The following FILIP1 variants were observed in gnomAD, a reference collection of about 807,000 sequenced individuals.
The protein encoded by FILIP1 is filamin-A-interacting protein 1.
Under a neutral mutation model 102.1 loss-of-function variants are expected in FILIP1, and 61 were observed. That is an observed-to-expected ratio of 0.60 (90% confidence interval 0.49 to 0.74). The LOEUF is 0.74. Among genes scored for constraint, FILIP1 ranks in the 30% least tolerant of loss-of-function variants. The pLI, the probability that FILIP1 is intolerant of heterozygous loss-of-function variation, is 0.00. For synonymous variants in FILIP1, 491 were observed against 526.9 expected, an observed-to-expected ratio of 0.93 and a Z score of 0.93; for missense variants, 1,314 against 1,441.2, an observed-to-expected ratio of 0.91 and a Z score of 1.43.
chr6:75,434,485 CTGTT>C (rs564164313), intron 1 of FILIP1, among the ~76,000 whole-genome samples: 2,987 of 152,256 alleles, frequency 0.02, 37 homozygotes, highest in South Asian at 0.034. Flanking sequence ...ATTTGGCTCT[CTGTT>C]TGTCTATTAT....
chr6:75,297,147 C>T (rs2149531498), intron 6 of FILIP1: 1 of 152,200 alleles, frequency 6.6e-6, no homozygotes, highest in African/African-American at 2.4e-5. Flanking sequence ...AGTGCAGAAA[C>T]TTAGGGTTTA....
At chr6:75,308,014 G>A, downstream of FILIP1, 1 of 982,424 alleles carries the variant, frequency 1.0e-6, no homozygotes, top group Non-Finnish European at 1.2e-6. Context: ...AAGAAATTCT[G>A]GGAATCTTAT....
intron 2 of FILIP1, among the ~76,000 whole-genome samples, chr6:75,406,657 G>A (rs866446935): frequency 1.4e-3 from 151 of 109,262 alleles, no homozygotes; most frequent in African/African-American, 5.0e-3. Flanking sequence ...GAATAGCAAT[G>A]TTTCTTTTTT....
chr6:75,474,963 T>A (rs112070042), intron 1 of FILIP1, among the ~76,000 whole-genome samples: 1,894 of 151,956 alleles, frequency 0.012, 15 homozygotes, highest in Non-Finnish European at 0.021. Flanking sequence ...ACATGCCTAC[T>A]CCCCCTTCAC....
At chr6:75,432,259 A>C (rs1455630298) in intron 1 of FILIP1, among the ~76,000 whole-genome samples, 3 of 152,242 alleles carry the variant, frequency 2.0e-5, no homozygotes, top group Admixed American at 1.3e-4. Flanking sequence ...GACAGACTTG[A>C]TGTAAATGTT....
chr6:75,330,145 T>A (rs1774024937), intron 4 of FILIP1, among the ~76,000 whole-genome samples: 1 of 152,218 alleles, frequency 6.6e-6, no homozygotes, highest in South Asian at 2.1e-4. Context: ...TTAATTTTGA[T>A]ACTTTTTAAA....
intron 1 of FILIP1, among the ~76,000 whole-genome samples, chr6:75,420,151 A>G (rs2149694638): frequency 6.6e-6 from 1 of 152,270 alleles, no homozygotes; most frequent in East Asian, 1.9e-4. Context: ...TTGTCATGAA[A>G]AGGCCAAGGA....
intron 1 of FILIP1, among the ~76,000 whole-genome samples, chr6:75,449,421 G>A (rs554509659): frequency 3.3e-5 from 5 of 152,162 alleles, no homozygotes; most frequent in African/African-American, 2.4e-5. Context: ...CAGAATCACC[G>A]CTAAAGAACT....
chr6:75,381,622 G>A (rs193165278), intron 2 of FILIP1, among the ~76,000 whole-genome samples: 25 of 152,130 alleles, frequency 1.6e-4, no homozygotes, highest in Non-Finnish European at 2.6e-4. Context: ...CTGAAATTTT[G>A]AAACAATGAT....
intron 4 of FILIP1, among the ~76,000 whole-genome samples, chr6:75,352,150 T>C (rs761851394): frequency 7.2e-5 from 11 of 152,264 alleles, no homozygotes; most frequent in Admixed American, 2.6e-4. Context: ...TTTTATGCTT[T>C]TATTTACTGT....
intron 4 of FILIP1, among the ~76,000 whole-genome samples, chr6:75,345,331 T>A (rs1259866235): frequency 6.6e-6 from 1 of 151,974 alleles, no homozygotes; most frequent in African/African-American, 2.4e-5. Flanking sequence ...GTTTTCCTTT[T>A]AATGAAAAAC....
chr6:75,450,084 C>A (rs1000138216), intron 1 of FILIP1, among the ~76,000 whole-genome samples: 1 of 152,086 alleles, frequency 6.6e-6, no homozygotes, highest in Non-Finnish European at 1.5e-5. Flanking sequence ...GAACTACAGG[C>A]GCACACCACT....
chr6:75,364,465 A>G (rs1356382596), intron 2 of FILIP1, among the ~76,000 whole-genome samples: 2 of 152,144 alleles, frequency 1.3e-5, no homozygotes, highest in Non-Finnish European at 2.9e-5. Flanking sequence ...ACAAGGCATA[A>G]CTCCCAATCT....
chr6:75,339,538 C>CT (rs994420130), intron 4 of FILIP1, among the ~76,000 whole-genome samples: 12 of 152,092 alleles, frequency 7.9e-5, no homozygotes, highest in African/African-American at 2.7e-4. Flanking sequence ...TTCACATTCA[C>CT]TTTTTTTTCT....
At position 75,467,632 on chromosome 6, in the gene FILIP1, G is replaced by C. The variant is rs147075077; in HGVS notation, c.-7+25782C>G. 2.0e-3 allele frequency among the ~76,000 whole-genome samples: 306 copies of C among 152,326 alleles called. 4 individuals carry two copies. Among genetic ancestry groups the C allele is most frequent in the African/African-American group, 6.8e-3 (282 of 41,568 alleles). On this transcript the variant is annotated intron_variant, in intron 1 of 5. Coordinates refer to ENST00000237172, the MANE Select transcript of FILIP1 (RefSeq NM_015687.5). ...ATTTCAAGGTGGTAGAACGGAAATA[G>C]ATTGTGGTCTCCTTTTCCCACTAGA... is the stretch of plus-strand genomic sequence containing the variant.
At chr6:75,393,882 C>T (rs1379073523) in intron 2 of FILIP1, among the ~76,000 whole-genome samples, 2 of 152,128 alleles carry the variant, frequency 1.3e-5, no homozygotes, top group Non-Finnish European at 2.9e-5. Context: ...TCTACTTTGT[C>T]CTGTTTCTGA....
chr6:75,345,441 C>T (rs1774545052), intron 4 of FILIP1, among the ~76,000 whole-genome samples: 1 of 151,728 alleles, frequency 6.6e-6, no homozygotes, highest in South Asian at 2.1e-4. Flanking sequence ...CAGGTGAATG[C>T]CAGCAGATGT....
At chr6:75,336,578 G>A (rs190347188) in intron 4 of FILIP1, among the ~76,000 whole-genome samples, 30 of 152,142 alleles carry the variant, frequency 2.0e-4, no homozygotes, top group African/African-American at 7.0e-4. Flanking sequence ...TACTCAGTTT[G>A]CTTCTAGTGA....
At chr6:75,478,965 A>G (rs772657593) in intron 1 of FILIP1, among the ~76,000 whole-genome samples, 1 of 152,130 alleles carries the variant, frequency 6.6e-6, no homozygotes, top group Non-Finnish European at 1.5e-5. Flanking sequence ...CTCATGATCT[A>G]GTCATAAATG....
Sources: allele counts gnomAD v4.1 joint callset (sites outside exome capture counted in the v4.1 genomes callset), GRCh38; gene constraint gnomAD v4.1.1; transcripts MANE v1.5; gene names NCBI Gene and HGNC (gene_info 2026-07-23, HGNC 2026-07-21).